Variants in FSTL4 observed in about 807,000 individuals in gnomAD.
FSTL4 encodes follistatin like 4, also known as follistatin-related protein 4.
FSTL4 carries 28 observed loss-of-function variants against 78.2 expected under a neutral mutation model. That is an observed-to-expected ratio of 0.36 (90% confidence interval 0.27 to 0.49). The LOEUF (loss-of-function observed/expected upper bound fraction) is 0.49. FSTL4 is among the 20% of genes least tolerant of loss of function. FSTL4 has a pLI of 0.98. For synonymous variants in FSTL4, 422 were observed against 440.5 expected, an observed-to-expected ratio of 0.96 and a Z score of 0.53; for missense variants, 922 against 1,084.9, an observed-to-expected ratio of 0.85 and a Z score of 2.11.
chr5:133,342,254 AG>A (rs1458072961), intron 4 of FSTL4, among the ~76,000 whole-genome samples: 2 of 152,246 alleles, frequency 1.3e-5, no homozygotes, highest in East Asian at 3.9e-4. Flanking sequence ...GAGGCGGCAG[AG>A]GTAGGAGGAG....
the FSTL4 span, among the ~76,000 whole-genome samples, chr5:133,686,998 C>A: frequency 3.3e-5 from 5 of 152,120 alleles, no homozygotes; most frequent in Non-Finnish European, 7.3e-5. Context: ...GTGAAGGAGG[C>A]GGGAAGGGCA....
chr5:133,592,254 C>T (rs36042466), intron 2 of FSTL4, among the ~76,000 whole-genome samples: 3,169 of 152,258 alleles, frequency 0.021, 49 homozygotes, highest in Middle Eastern at 0.058. Flanking sequence ...GTGCTGCATT[C>T]GCCGCTCACC....
chr5:133,766,085 G>C, the FSTL4 span, among the ~76,000 whole-genome samples: 1 of 152,164 alleles, frequency 6.6e-6, no homozygotes, highest in African/African-American at 2.4e-5. Context: ...ATAGGTGCCA[G>C]GCAGAGTGTA....
the FSTL4 span, among the ~76,000 whole-genome samples, chr5:133,631,507 G>A: frequency 6.6e-6 from 1 of 152,170 alleles, no homozygotes; most frequent in Non-Finnish European, 1.5e-5. Flanking sequence ...AACAGATGCT[G>A]GAGAGGATGT....
intron 3 of FSTL4, among the ~76,000 whole-genome samples, chr5:133,523,144 C>T (rs1162074311): frequency 6.6e-6 from 1 of 152,176 alleles, no homozygotes; most frequent in Non-Finnish European, 1.5e-5. Flanking sequence ...GAGACGCCAG[C>T]CGTCTCTCTC....
intron 3 of FSTL4, among the ~76,000 whole-genome samples, chr5:133,492,318 C>T (rs1758281753): frequency 6.6e-6 from 1 of 152,108 alleles, no homozygotes; most frequent in South Asian, 2.1e-4. Context: ...TTTGCCTATT[C>T]CCTTTCTCAC....
the FSTL4 span, among the ~76,000 whole-genome samples, chr5:133,657,766 G>GTTTTTT: frequency 7.9e-4 from 68 of 85,726 alleles, no homozygotes; most frequent in Middle Eastern, 9.1e-3. Flanking sequence ...ACTGTTTTTT[G>GTTTTTT]TTTTTTTTGT....
At chr5:133,252,151 G>A (rs922091676) in intron 6 of FSTL4, 2 of 152,246 alleles carry the variant, frequency 1.3e-5, no homozygotes, top group African/African-American at 2.4e-5. Context: ...TCGTCAGCTC[G>A]TGCTAATCTT....
At chr5:133,500,825 C>T (rs1265154041) in intron 3 of FSTL4, among the ~76,000 whole-genome samples, 1 of 151,936 alleles carries the variant, frequency 6.6e-6, no homozygotes, top group Non-Finnish European at 1.5e-5. Flanking sequence ...TAATTTAGCA[C>T]AATTAAATTC....
At chr5:133,386,109 T>C (rs111774291) in intron 4 of FSTL4, among the ~76,000 whole-genome samples, 4 of 152,180 alleles carry the variant, frequency 2.6e-5, no homozygotes, top group Non-Finnish European at 5.9e-5. Context: ...TTAGGGGTAA[T>C]AACAGTCCTT....
the FSTL4 span, among the ~76,000 whole-genome samples, chr5:133,752,889 A>G: frequency 6.6e-6 from 1 of 152,022 alleles, no homozygotes; most frequent in Non-Finnish European, 1.5e-5. Flanking sequence ...AGTTGCAGTT[A>G]TTTTCTTGCG....
At chr5:133,632,362 A>T in the FSTL4 span, among the ~76,000 whole-genome samples, 1 of 152,220 alleles carries the variant, frequency 6.6e-6, no homozygotes, top group Non-Finnish European at 1.5e-5. Context: ...TAGAAAACTC[A>T]GGAGGAAAAG....
At chr5:133,249,293 C>A (rs1169095836) in intron 7 of FSTL4, 117 bp downstream of exon 7, 1 of 805,406 alleles carries the variant, frequency 1.2e-6, no homozygotes, top group East Asian at 2.5e-5. Flanking sequence ...TAGAAAAGCA[C>A]CAAACACAGG....
rs116726328 is a variant in FSTL4, at chr5:133,536,107, G to A, written c.160+31079C>T. 2.1e-3 allele frequency among the ~76,000 whole-genome samples: 316 copies of A among 152,264 alleles called. 1 individual carries two copies. Among genetic ancestry groups the A allele is most frequent in the Middle Eastern group, 0.01 (3 of 294 alleles). On this transcript the variant is annotated intron_variant, in intron 3 of 15. Transcript: ENST00000265342. ...TGAATGAATGAACTGAGCACATGAC[G>A]GAAAGGCATGCACTGGTCTCTGGTT... is the stretch of plus-strand genomic sequence containing the variant.
At chr5:133,300,966 T>C (rs1753525502) in intron 6 of FSTL4, among the ~76,000 whole-genome samples, 1 of 152,164 alleles carries the variant, frequency 6.6e-6, no homozygotes, top group Non-Finnish European at 1.5e-5. Context: ...CTGCTATGGT[T>C]CTGCAGGACA....
At chr5:133,677,460 G>GA in the FSTL4 span, among the ~76,000 whole-genome samples, 1 of 152,200 alleles carries the variant, frequency 6.6e-6, no homozygotes, top group Non-Finnish European at 1.5e-5. Flanking sequence ...CTCCAGCTAT[G>GA]AAACCAGAAA....
intron 3 of FSTL4, among the ~76,000 whole-genome samples, chr5:133,434,715 C>A (rs980024468): frequency 4.6e-5 from 7 of 152,062 alleles, no homozygotes; most frequent in Non-Finnish European, 8.8e-5. Flanking sequence ...AGAGTTGGTG[C>A]CATTTTATAT....
chr5:133,697,011 G>A, the FSTL4 span, among the ~76,000 whole-genome samples: 3 of 152,194 alleles, frequency 2.0e-5, no homozygotes, highest in South Asian at 2.1e-4. Flanking sequence ...TACCTCAGCC[G>A]CAGTGCCCGA....
Position 133,199,261 on chromosome 5 carries a change from C to A in FSTL4, c.2363G>T (p.Trp788Leu), listed in dbSNP as rs768278516. The change falls in exon 16 of 16, where the codon TGG becomes TTG. Residue 788 changes from tryptophan (W) to leucine (L), a missense_variant. Coordinates refer to ENST00000265342, the MANE Select transcript of FSTL4 (RefSeq NM_015082.2). This position sits in a 1 kb window ranked among gnomAD's most constrained non-coding sequence, Gnocchi z 4.4. ...KEPPAGPAQP[W>L]GGTHRIMRDS... is the part of the protein sequence containing the mutation. ...CCTCATGATTCTGTGGGTACCCCCC[C>A]AGGGCTGAGCTGGCCCTGCGGGTGG... is the stretch of plus-strand genomic sequence containing the variant. The A allele has an allele frequency of 2.4e-5, 39 of 1,613,898 alleles. No homozygotes were observed. The highest frequency in any genetic ancestry group is 3.1e-5 in the Non-Finnish European group (36 of 1,179,790).
Sources: gnomAD v4.1 joint callset for allele counts (sites outside exome capture counted in the v4.1 genomes callset) on GRCh38, gnomAD v4.1.1 for gene constraint, Gnocchi (gnomAD v3.1) non-coding constraint, MANE v1.5 for transcripts, NCBI Gene and HGNC (gene_info 2026-07-23, HGNC 2026-07-21) for gene names.